Variants in ELAPOR2 observed in about 807,000 individuals in gnomAD.
The protein encoded by ELAPOR2 is endosome/lysosome-associated apoptosis and autophagy regulator family member 2.
In ELAPOR2, 89 loss-of-function variants were observed where a neutral mutation model predicts 120.7. The ratio of observed to expected loss-of-function variants is 0.74; its 90% CI spans 0.62 to 0.88. The LOEUF (loss-of-function observed/expected upper bound fraction) is 0.88. Ranked by LOEUF, ELAPOR2 falls within the 40% of genes least tolerant of loss-of-function variation. The pLI, the probability that ELAPOR2 is intolerant of heterozygous loss-of-function variation, is 0.00. For synonymous variants in ELAPOR2, 444 were observed against 444.9 expected, an observed-to-expected ratio of 1.00 and a Z score of 0.03; for missense variants, 1,134 against 1,251.6, an observed-to-expected ratio of 0.91 and a Z score of 1.42.
intron 1 of ELAPOR2, among the ~76,000 whole-genome samples, chr7:86,969,496 A>G (rs1792033865): frequency 6.6e-6 from 1 of 152,182 alleles, no homozygotes; most frequent in African/African-American, 2.4e-5. Context: ...TCATTAATAT[A>G]TATCATTATT....
rs367574541 is a variant in ELAPOR2 at position 86,878,068 on chromosome 7, T to C, written c.*2403A>G. 6.6e-6 allele frequency: 1 copy of C among 152,194 alleles called. No individual in the cohort carries two copies. The highest frequency in any genetic ancestry group is 1.5e-5 in the Non-Finnish European group (1 of 68,032). The allele number at this position is 152,194 out of a possible 1,614,324, so 9.4% of individuals were successfully genotyped here. ...GTTGACTTAATGAAGTAGTTAAGGCTTCAAAATTGTGCCTTTTAGAAAAAT... is the reference window on the plus strand; with the variant it reads ...GTTGACTTAATGAAGTAGTTAAGGCCTCAAAATTGTGCCTTTTAGAAAAAT... On this transcript the variant is annotated 3_prime_UTR_variant, in exon 22 of 22. Transcript: ENST00000450689.
intron 3 of ELAPOR2, among the ~76,000 whole-genome samples, chr7:86,946,159 TCACA>T (rs3223108): frequency 1.4e-3 from 206 of 146,364 alleles, no homozygotes; most frequent in African/African-American, 3.9e-3. Flanking sequence ...ATACCATTTC[TCACA>T]CACACACACA....
intron 1 of ELAPOR2, chr7:86,965,921 C>T (rs1028438115): frequency 2.0e-6 from 2 of 985,236 alleles, no homozygotes; most frequent in Non-Finnish European, 1.2e-6. Context: ...GCCACATCAC[C>T]ATGCGGACAT....
At chr7:87,032,967 G>T (rs943011530) in intron 1 of ELAPOR2, among the ~76,000 whole-genome samples, 5 of 152,078 alleles carry the variant, frequency 3.3e-5, no homozygotes, top group African/African-American at 1.2e-4. Flanking sequence ...ATGAGAAAAG[G>T]ATCTCTACCT....
chr7:86,936,941 C>G (rs1790585739), intron 8 of ELAPOR2, among the ~76,000 whole-genome samples: 1 of 152,058 alleles, frequency 6.6e-6, no homozygotes, highest in South Asian at 2.1e-4. Flanking sequence ...ATAAAATAAA[C>G]TAAATTGACT....
At chr7:87,013,017 C>T (rs944308341) in intron 1 of ELAPOR2, among the ~76,000 whole-genome samples, 4 of 152,280 alleles carry the variant, frequency 2.6e-5, no homozygotes, top group African/African-American at 4.8e-5. Flanking sequence ...AAATAGAACA[C>T]AAAGAAGCAC....
intron 1 of ELAPOR2, among the ~76,000 whole-genome samples, chr7:87,027,102 C>T (rs1794269821): frequency 6.6e-6 from 1 of 152,004 alleles, no homozygotes; most frequent in Non-Finnish European, 1.5e-5. Context: ...GCTGTGCTGC[C>T]ATCTTAATAA....
chr7:86,950,585 G>A (rs1299296180), intron 2 of ELAPOR2, among the ~76,000 whole-genome samples: 1 of 152,188 alleles, frequency 6.6e-6, no homozygotes, highest in Non-Finnish European at 1.5e-5. Context: ...CAGGGAACCA[G>A]TGCCCATGCT....
intron 1 of ELAPOR2, among the ~76,000 whole-genome samples, chr7:87,034,911 C>T (rs564005540): frequency 4.7e-4 from 72 of 152,038 alleles, no homozygotes; most frequent in Middle Eastern, 3.4e-3. Context: ...GGTGAAACCC[C>T]GTCTCTACTA....
Position 86,944,914 on chromosome 7 carries a change from G to A in ELAPOR2, c.639C>T (p.Ile213=). The change falls in exon 4 of 22, where the codon ATC becomes ATT. Residue 213 remains isoleucine (I), a synonymous_variant. Coordinates refer to ENST00000450689, the MANE Select transcript of ELAPOR2 (RefSeq NM_001142749.3). ...AAGGTCTTACAAAGAACTCAAAGAA[G>A]ATGTTGTTGTCGACATACTGGTACT... is the stretch of plus-strand genomic sequence containing the variant. ...FFEYQYVDNN[I]FFEFFIQNDQ... 3 of 1,544,040 alleles carry A rather than the reference G, an allele frequency of 1.9e-6. No individual in the cohort carries two copies. Among genetic ancestry groups the A allele is most frequent in the Non-Finnish European group, 2.6e-6 (3 of 1,145,032 alleles).
intron 10 of ELAPOR2, among the ~76,000 whole-genome samples, chr7:86,924,462 T>C (rs1584356165): frequency 1.3e-5 from 2 of 151,900 alleles, no homozygotes; most frequent in African/African-American, 4.8e-5. Flanking sequence ...CCAATCTTAT[T>C]TTCCCAATAG....
At chr7:86,894,517 T>C (rs1173758884) in intron 19 of ELAPOR2, among the ~76,000 whole-genome samples, 1 of 152,032 alleles carries the variant, frequency 6.6e-6, no homozygotes, top group Non-Finnish European at 1.5e-5. Context: ...TACTGTCTGA[T>C]GACAGTCTTA....
chr7:86,978,190 CT>C (rs1318907164), intron 1 of ELAPOR2, among the ~76,000 whole-genome samples: 1 of 152,192 alleles, frequency 6.6e-6, no homozygotes, highest in Non-Finnish European at 1.5e-5. Flanking sequence ...GTTTCCACTG[CT>C]TGCAGTCATT....
chr7:87,052,546 GT>G (rs1795140804), intron 1 of ELAPOR2, among the ~76,000 whole-genome samples: 2 of 152,094 alleles, frequency 1.3e-5, no homozygotes, highest in East Asian at 1.9e-4. Context: ...CAATCCCAGG[GT>G]TTCCATTTTA....
chr7:86,961,605 G>C (rs1791711235), intron 2 of ELAPOR2, among the ~76,000 whole-genome samples: 1 of 152,212 alleles, frequency 6.6e-6, no homozygotes, highest in South Asian at 2.1e-4. Context: ...CCTCTCTGAT[G>C]ATCTAAGAAC....
intron 1 of ELAPOR2, among the ~76,000 whole-genome samples, chr7:87,008,384 C>T (rs1319379091): frequency 6.6e-6 from 1 of 152,126 alleles, no homozygotes. Context: ...AGATCTTAGG[C>T]TGCATCCTGG....
At chr7:86,988,006 A>G (rs1180761166) in intron 1 of ELAPOR2, among the ~76,000 whole-genome samples, 1 of 152,222 alleles carries the variant, frequency 6.6e-6, no homozygotes, top group Non-Finnish European at 1.5e-5. Context: ...ACCATGGAAT[A>G]CTATGCAGCC....
chr7:86,892,867 T>C (rs1788235161), intron 20 of ELAPOR2, 55 bp downstream of exon 20: 1 of 1,387,294 alleles, frequency 7.2e-7, no homozygotes, highest in Admixed American at 3.0e-5. Context: ...GTCTAGAATT[T>C]TCACAACAAA....
chr7:86,937,580 T>C (rs1037985177), intron 8 of ELAPOR2, among the ~76,000 whole-genome samples: 1 of 152,102 alleles, frequency 6.6e-6, no homozygotes, highest in African/African-American at 2.4e-5. Context: ...TACTTGCATT[T>C]TCTCAATGCA....
Sources: gnomAD v4.1 joint callset for allele counts (sites outside exome capture counted in the v4.1 genomes callset) on GRCh38, gnomAD v4.1.1 for gene constraint, MANE v1.5 for transcripts, NCBI Gene and HGNC (gene_info 2026-07-23, HGNC 2026-07-21) for gene names.